TNFAIP8L1: variants seen among roughly 807,000 people sequenced by gnomAD.
TNFAIP8L1 encodes TNF alpha induced protein 8 like 1.
For synonymous variants in TNFAIP8L1, 127 were observed against 125.6 expected (o/e 1.01, Z -0.08); for missense variants, 225 against 266.1 (o/e 0.85, Z 1.08).
rs2088300514 is a variant in TNFAIP8L1, at chr19:4,645,355, C to T, written c.-4+5726C>T. 6.6e-6 allele frequency among the ~76,000 whole-genome samples: 1 copy of T among 152,058 alleles called. No individual in the cohort carries two copies. The highest frequency in any genetic ancestry group is 1.5e-5 in the Non-Finnish European group (1 of 67,998). On this transcript the variant is annotated intron_variant, in intron 1 of 1. Coordinates refer to ENST00000327473, the MANE Select transcript of TNFAIP8L1 (RefSeq NM_152362.3). This position sits in a 1 kb window ranked among gnomAD's most constrained non-coding sequence, Gnocchi z 4.1. ...TTGAGGCCGGGAGTTAGAGACCAGCCTGGCCGACATGGCCAAACCCCGTCT... is the reference window on the plus strand; with the variant it reads ...TTGAGGCCGGGAGTTAGAGACCAGCTTGGCCGACATGGCCAAACCCCGTCT...
Position 4,641,731 on chromosome 19 carries a change from C to T in TNFAIP8L1, c.-4+2102C>T, listed in dbSNP as rs2088263104. The stretch of plus-strand genomic sequence containing the variant: ...AAAGCCCGAGGAGGGGATTACAGGA[C>T]ACAGTACTTCTAGAAGCTTCCTAAG... On this transcript the variant is annotated intron_variant, in intron 1 of 1. Transcript: ENST00000327473. The surrounding 1 kb of genome is among the most constrained non-coding windows in gnomAD (Gnocchi z 4.6). 6.6e-6 allele frequency: 1 copy of T among 152,192 alleles called. No homozygotes were observed. The highest frequency in any genetic ancestry group is 1.5e-5 in the Non-Finnish European group (1 of 68,070). The allele number at this position is 152,192 out of a possible 1,614,324, so 9.4% of individuals were successfully genotyped here.
At position 4,653,990 on chromosome 19, in the gene TNFAIP8L1, C is replaced by G. The variant is rs1200762772; in HGVS notation, c.*1560C>G. 6.6e-6 allele frequency: 1 copy of G among 152,186 alleles called. No homozygotes were observed. The highest frequency in any genetic ancestry group is 1.5e-5 in the Non-Finnish European group (1 of 68,110). 9.4% of individuals were successfully genotyped at this position (152,186 alleles called of 1,614,324 possible). The stretch of plus-strand genomic sequence containing the variant: ...ACACAGACATGCATGCAAGGAAGGC[C>G]AATGATGCCGGCCACCACCAGGAGC... On this transcript the variant is annotated 3_prime_UTR_variant, in exon 2 of 2. Transcript: ENST00000327473.
chr19:4,645,683 G>A lies in TNFAIP8L1; in HGVS notation c.-4+6054G>A, dbSNP rs2088303782. On this transcript the variant is annotated intron_variant, in intron 1 of 1. Transcript: ENST00000327473. This position sits in a 1 kb window ranked among gnomAD's most constrained non-coding sequence, Gnocchi z 4.1. ...CACCTGTAGTCCCAGCACTTTGGGAGGCTGAGGCAGGAGGATCCGTCTCAA... is the reference window on the plus strand; with the variant it reads ...CACCTGTAGTCCCAGCACTTTGGGAAGCTGAGGCAGGAGGATCCGTCTCAA... 6.6e-6 allele frequency among the ~76,000 whole-genome samples: 1 copy of A among 151,480 alleles called. No homozygotes were observed.
chr19:4,643,992 G>A (rs1171298223), intron 1 of TNFAIP8L1, among the ~76,000 whole-genome samples: 4 of 150,994 alleles, frequency 2.6e-5, no homozygotes, highest in Non-Finnish European at 4.4e-5. Context: ...TGGCCGAGGC[G>A]GGTGGATCAC....
intron 1 of TNFAIP8L1, among the ~76,000 whole-genome samples, chr19:4,644,972 C>G (rs1338209078): frequency 6.6e-6 from 1 of 152,198 alleles, no homozygotes; most frequent in African/African-American, 2.4e-5. Context: ...CCTGGGATCA[C>G]TGGCCTCGGC....
At chr19:4,646,592 C>T (rs1014747074) in intron 1 of TNFAIP8L1, among the ~76,000 whole-genome samples, 7 of 151,924 alleles carry the variant, frequency 4.6e-5, no homozygotes, top group East Asian at 1.9e-4. Flanking sequence ...TTCCAGCACC[C>T]GCGAGTCCGC....
rs1308700119 is a variant in TNFAIP8L1 at position 4,653,393 on chromosome 19, A to T, written c.*963A>T. On this transcript the variant is annotated 3_prime_UTR_variant, in exon 2 of 2. Transcript: ENST00000327473. ...CACTTTGGGAGGCCGAGGCAGGAAGATTGCTTGAACTCAGAAGTTCAAGAC... is the reference window on the plus strand; with the variant it reads ...CACTTTGGGAGGCCGAGGCAGGAAGTTTGCTTGAACTCAGAAGTTCAAGAC... The T allele has an allele frequency of 1.8e-5, 3 of 166,814 alleles. No homozygotes were observed. The highest frequency in any genetic ancestry group is 7.3e-5 in the African/African-American group (3 of 41,340). The allele number at this position is 166,814 out of a possible 1,614,324, so 10.3% of individuals were successfully genotyped here. A position where few individuals can be genotyped will look rare whatever the true frequency, so the allele number is the denominator to read the frequency against.
intron 1 of TNFAIP8L1, among the ~76,000 whole-genome samples, chr19:4,649,324 G>C (rs1170296067): frequency 1.3e-5 from 2 of 152,002 alleles, no homozygotes; most frequent in Non-Finnish European, 2.9e-5. Context: ...GGAATTCCAG[G>C]CAGTGGTTGC....
intron 1 of TNFAIP8L1, among the ~76,000 whole-genome samples, chr19:4,646,513 A>G (rs1205072154): frequency 6.6e-6 from 1 of 151,764 alleles, no homozygotes; most frequent in Non-Finnish European, 1.5e-5. Flanking sequence ...AGAACATTCC[A>G]TTACCACTCA....
Position 4,645,220 on chromosome 19 carries a change from A to C in TNFAIP8L1, c.-4+5591A>C, listed in dbSNP as rs923936461. ...TCAGGAATTTTGCCATCTGGTAGTT[A>C]AACGCAGCCATTATTTAACGTGGGA... On this transcript the variant is annotated intron_variant, in intron 1 of 1. Coordinates refer to ENST00000327473, the MANE Select transcript of TNFAIP8L1 (RefSeq NM_152362.3). This position sits in a 1 kb window ranked among gnomAD's most constrained non-coding sequence, Gnocchi z 4.1. Among the ~76,000 whole-genome samples, 2 of 152,182 alleles carry C rather than the reference A, an allele frequency of 1.3e-5. No individual in the cohort carries two copies. The highest frequency in any genetic ancestry group is 4.8e-5 in the African/African-American group (2 of 41,446).
intron 1 of TNFAIP8L1, among the ~76,000 whole-genome samples, chr19:4,643,491 A>G (rs2088281973): frequency 6.6e-6 from 1 of 152,184 alleles, no homozygotes; most frequent in South Asian, 2.1e-4. Context: ...GCCACAGTGG[A>G]AAGTGTCCAG....
At chr19:4,642,497 A>T (rs947414745) in intron 1 of TNFAIP8L1, 1 of 144,480 alleles carries the variant, frequency 6.9e-6, no homozygotes. Flanking sequence ...AAAAAAAAAA[A>T]ATTAAAAATA....
At position 4,641,379 on chromosome 19, in the gene TNFAIP8L1, C is replaced by G. The variant is rs188959189; in HGVS notation, c.-4+1750C>G. ...CGCTAAAAAATGACTCACACTTGCCCAGGTACAGCTCAGGTGTTACAGACG... is the reference window on the plus strand; with the variant it reads ...CGCTAAAAAATGACTCACACTTGCCGAGGTACAGCTCAGGTGTTACAGACG... On this transcript the variant is annotated intron_variant, in intron 1 of 1. Transcript: ENST00000327473. This position sits in a 1 kb window ranked among gnomAD's most constrained non-coding sequence, Gnocchi z 4.6. The G allele has an allele frequency of 6.6e-6, 1 of 152,356 alleles. No homozygotes were observed. The highest frequency in any genetic ancestry group is 1.9e-4 in the East Asian group (1 of 5,180). The allele number at this position is 152,356 out of a possible 1,614,324, so 9.4% of individuals were successfully genotyped here.
intron 1 of TNFAIP8L1, among the ~76,000 whole-genome samples, chr19:4,646,416 C>T (rs376273672): frequency 2.6e-5 from 4 of 151,866 alleles, no homozygotes; most frequent in Admixed American, 6.6e-5. Flanking sequence ...TATGAGCCAC[C>T]GCACCTGGCC....
At position 4,649,786 on chromosome 19, in the gene TNFAIP8L1, G is replaced by A. The variant is rs1444529836; in HGVS notation, c.-3-2081G>A. On this transcript the variant is annotated intron_variant, in intron 1 of 1. Coordinates refer to ENST00000327473, the MANE Select transcript of TNFAIP8L1 (RefSeq NM_152362.3). ...CTCTTCTGGCCTAGGCCTGTGCAGA[G>A]CCAGGGTCTGGTGACCGAGGTCGGA... 5.1e-4 allele frequency among the ~76,000 whole-genome samples: 77 copies of A among 152,394 alleles called. 1 individual carries two copies. Among genetic ancestry groups the A allele is most frequent in the Non-Finnish European group, 1.5e-4 (10 of 68,040 alleles).
At chr19:4,649,677 C>T (rs2145171564) in intron 1 of TNFAIP8L1, among the ~76,000 whole-genome samples, 1 of 152,234 alleles carries the variant, frequency 6.6e-6, no homozygotes, top group East Asian at 1.9e-4. Flanking sequence ...AACAGGCAAC[C>T]TGCCTAGTAC....
intron 1 of TNFAIP8L1, among the ~76,000 whole-genome samples, chr19:4,646,819 A>C (rs1433950479): frequency 6.6e-6 from 1 of 152,028 alleles, no homozygotes; most frequent in African/African-American, 2.4e-5. Flanking sequence ...TTTAGTAGAG[A>C]CGGGGTTTCA....
rs1441928185 is a variant in TNFAIP8L1 at position 4,645,667 on chromosome 19, T to C, written c.-4+6038T>C. 6.9e-6 allele frequency among the ~76,000 whole-genome samples: 1 copy of C among 145,948 alleles called. No individual in the cohort carries two copies. Among genetic ancestry groups the C allele is most frequent in the Non-Finnish European group, 1.5e-5 (1 of 67,158 alleles). On this transcript the variant is annotated intron_variant, in intron 1 of 1. Coordinates refer to ENST00000327473, the MANE Select transcript of TNFAIP8L1 (RefSeq NM_152362.3). This position sits in a 1 kb window ranked among gnomAD's most constrained non-coding sequence, Gnocchi z 4.1. ...CAGGGGTGGTAGCTCACACCTGTAG[T>C]CCCAGCACTTTGGGAGGCTGAGGCA...
rs1013611951 is a variant in TNFAIP8L1, at chr19:4,655,317, C to A, written c.*2887C>A. The A allele has an allele frequency of 6.6e-6, 1 of 152,236 alleles. No individual in the cohort carries two copies. The highest frequency in any genetic ancestry group is 1.5e-5 in the Non-Finnish European group (1 of 68,052). 9.4% of individuals were successfully genotyped at this position (152,236 alleles called of 1,614,324 possible). Reference sequence around the variant, plus strand: ...GAGCCAGCTGTTCCTACCTCTACCCCACGCTTCCAAGGCAACCTTCTCCAC... The same window carrying A: ...GAGCCAGCTGTTCCTACCTCTACCCAACGCTTCCAAGGCAACCTTCTCCAC... On this transcript the variant is annotated 3_prime_UTR_variant, in exon 2 of 2. Transcript: ENST00000327473.
Sources: gnomAD v4.1 joint callset for allele counts (sites outside exome capture counted in the v4.1 genomes callset) on GRCh38, gnomAD v4.1.1 for gene constraint, Gnocchi (gnomAD v3.1) non-coding constraint, MANE v1.5 for transcripts, NCBI Gene and HGNC (gene_info 2026-07-23, HGNC 2026-07-21) for gene names.